KLHL14: variants seen among roughly 807,000 people sequenced by gnomAD.
KLHL14 encodes the protein kelch like family member 14.
In KLHL14, 22 loss-of-function variants were observed where a neutral mutation model predicts 64.3. The observed-to-expected ratio is 0.34, with a 90% CI of 0.24 to 0.49. KLHL14 has a LOEUF of 0.49. Ranked by LOEUF, KLHL14 falls within the 20% of genes least tolerant of loss-of-function variation. The pLI is 0.99. For missense variants in KLHL14, 661 were observed against 789.0 expected (o/e 0.84, Z 1.94); for synonymous variants, 322 against 333.4 (o/e 0.97, Z 0.37).
At chr18:32,676,679 G>C (rs2049812879) in intron 8 of KLHL14, among the ~76,000 whole-genome samples, 2 of 152,148 alleles carry the variant, frequency 1.3e-5, no homozygotes, top group African/African-American at 4.8e-5. Flanking sequence ...TGTTGAAGCT[G>C]AATGATGGGT....
At chr18:32,753,407 G>A (rs959994953) in intron 2 of KLHL14, among the ~76,000 whole-genome samples, 3 of 126,654 alleles carry the variant, frequency 2.4e-5, no homozygotes, top group African/African-American at 3.0e-5. Flanking sequence ...TTCTCATCCC[G>A]CCCCTTCACT....
intron 2 of KLHL14, among the ~76,000 whole-genome samples, chr18:32,749,904 C>T (rs959597307): frequency 3.3e-5 from 5 of 151,976 alleles, no homozygotes; most frequent in African/African-American, 9.7e-5. Context: ...CCATAGACTG[C>T]GTGGCTTGAA....
chr18:32,758,119 T>G lies in KLHL14; in HGVS notation c.947+11526A>C, dbSNP rs144526838. On this transcript the variant is annotated intron_variant, in intron 2 of 8. Transcript: ENST00000359358. Reference sequence around the variant, plus strand: ...CTCTCTTTTGTATCTTTTTGTTGTTTTTTTTTGTTTGTTTGTTTTTAGAGA... The same window carrying G: ...CTCTCTTTTGTATCTTTTTGTTGTTGTTTTTTGTTTGTTTGTTTTTAGAGA... 8.8e-3 allele frequency among the ~76,000 whole-genome samples: 1,338 copies of G among 152,254 alleles called. 16 individuals are homozygous for G. The highest frequency in any genetic ancestry group is 0.03 in the African/African-American group (1,258 of 41,546).
intron 3 of KLHL14, among the ~76,000 whole-genome samples, chr18:32,727,350 G>A (rs2050113056): frequency 6.6e-6 from 1 of 152,152 alleles, no homozygotes; most frequent in Non-Finnish European, 1.5e-5. Context: ...GAAATCAGAT[G>A]GAGTAAGACA....
At chr18:32,727,198 T>A (rs1451158680) in intron 3 of KLHL14, among the ~76,000 whole-genome samples, 1 of 152,232 alleles carries the variant, frequency 6.6e-6, no homozygotes, top group Non-Finnish European at 1.5e-5. Context: ...ATACTTCTGG[T>A]CTTTTTTAAA....
chr18:32,684,459 A>G (rs767621744), intron 5 of KLHL14, among the ~76,000 whole-genome samples: 3 of 152,120 alleles, frequency 2.0e-5, no homozygotes, highest in Non-Finnish European at 4.4e-5. Flanking sequence ...TGCCCCGTCA[A>G]TCTTGCAGCT....
At chr18:32,752,089 T>C (rs1469453172) in intron 2 of KLHL14, among the ~76,000 whole-genome samples, 1 of 152,070 alleles carries the variant, frequency 6.6e-6, no homozygotes, top group African/African-American at 2.4e-5. Flanking sequence ...GACACGTCAC[T>C]GCACTCCAGG....
At chr18:32,752,672 C>G (rs901076648) in intron 2 of KLHL14, among the ~76,000 whole-genome samples, 1 of 152,080 alleles carries the variant, frequency 6.6e-6, no homozygotes, top group Admixed American at 6.5e-5. Context: ...TTTGCCATAG[C>G]CACATGCTTT....
chr18:32,707,609 A>C (rs2049996779), intron 3 of KLHL14, among the ~76,000 whole-genome samples: 1 of 152,214 alleles, frequency 6.6e-6, no homozygotes, highest in African/African-American at 2.4e-5. Flanking sequence ...GTGTTCTAGA[A>C]GATGTGTACC....
intron 4 of KLHL14, among the ~76,000 whole-genome samples, chr18:32,692,100 A>G (rs1160907456): frequency 6.6e-6 from 1 of 152,224 alleles, no homozygotes; most frequent in African/African-American, 2.4e-5. Context: ...CCTATCACTA[A>G]TGACATGAAG....
At chr18:32,741,380 A>G (rs752091910) in intron 3 of KLHL14, among the ~76,000 whole-genome samples, 3 of 152,224 alleles carry the variant, frequency 2.0e-5, no homozygotes, top group Non-Finnish European at 4.4e-5. Context: ...GAAGTTTGCA[A>G]GCACAATTTC....
chr18:32,738,757 A>G (rs1243732896), intron 3 of KLHL14: 5 of 152,158 alleles, frequency 3.3e-5, no homozygotes, highest in Admixed American at 1.3e-4. Context: ...GACTATTTGA[A>G]TGTTGTTTTC....
At chr18:32,751,431 GA>G (rs1344059393) in intron 2 of KLHL14, among the ~76,000 whole-genome samples, 1 of 152,188 alleles carries the variant, frequency 6.6e-6, no homozygotes. Context: ...TTTAACAGAT[GA>G]AAGACTAGAG....
chr18:32,757,699 C>T (rs1266041905), intron 2 of KLHL14, among the ~76,000 whole-genome samples: 1 of 151,828 alleles, frequency 6.6e-6, no homozygotes, highest in Non-Finnish European at 1.5e-5. Flanking sequence ...AAATATTTTC[C>T]TTGAAATGAA....
chr18:32,748,307 C>A (rs892250849), intron 2 of KLHL14, among the ~76,000 whole-genome samples: 1 of 151,814 alleles, frequency 6.6e-6, no homozygotes, highest in Non-Finnish European at 1.5e-5. Flanking sequence ...CTCTGCCTCC[C>A]GGGTTCAAGC....
chr18:32,771,480 T>C (rs998941548), intron 1 of KLHL14, among the ~76,000 whole-genome samples: 2 of 152,136 alleles, frequency 1.3e-5, no homozygotes, highest in Non-Finnish European at 2.9e-5. Context: ...GAGATGGCTT[T>C]AAACCTGGCA....
intron 4 of KLHL14, among the ~76,000 whole-genome samples, chr18:32,694,259 A>G (rs2049926432): frequency 6.6e-6 from 1 of 152,226 alleles, no homozygotes; most frequent in Non-Finnish European, 1.5e-5. Flanking sequence ...GCTGCACACT[A>G]TGTGTTTGCT....
At chr18:32,688,041 G>T (rs1401451446) in intron 4 of KLHL14, among the ~76,000 whole-genome samples, 1 of 152,174 alleles carries the variant, frequency 6.6e-6, no homozygotes, top group African/African-American at 2.4e-5. Flanking sequence ...GAGCTGAGAA[G>T]CATGGTAATG....
chr18:32,735,225 G>A (rs1396861803), intron 3 of KLHL14, among the ~76,000 whole-genome samples: 2 of 152,130 alleles, frequency 1.3e-5, no homozygotes, highest in South Asian at 2.1e-4. Flanking sequence ...TTTGACTAAC[G>A]GCATCTTTTG....
Sources: gnomAD v4.1 joint callset for allele counts (sites outside exome capture counted in the v4.1 genomes callset) on GRCh38, gnomAD v4.1.1 for gene constraint, MANE v1.5 for transcripts, NCBI Gene and HGNC (gene_info 2026-07-23, HGNC 2026-07-21) for gene names.